Variants in FRYL observed in about 807,000 individuals in gnomAD.
FRYL encodes the protein FRY like transcription coactivator, also known as protein furry homolog-like.
In FRYL, 150 loss-of-function variants were observed where a neutral mutation model predicts 351.2. The observed-to-expected ratio is 0.43, with a 90% CI of 0.37 to 0.49. The LOEUF (loss-of-function observed/expected upper bound fraction) is 0.49, where lower values mean the gene tolerates loss of function less well. FRYL is among the 20% of genes least tolerant of loss of function. The pLI is 0.00. For synonymous variants in FRYL, 1,153 were observed against 1,257.1 expected, an observed-to-expected ratio of 0.92 and a Z score of 1.75; for missense variants, 3,036 against 3,619.3, an observed-to-expected ratio of 0.84 and a Z score of 4.13.
intron 3 of FRYL, among the ~76,000 whole-genome samples, chr4:48,639,637 T>C (rs1754943036): frequency 6.6e-6 from 1 of 151,792 alleles, no homozygotes; most frequent in Non-Finnish European, 1.5e-5. Flanking sequence ...ACTTTTTAGA[T>C]AAACATCAAA....
chr4:48,624,230 A>G lies in FRYL; in HGVS notation c.121-1051T>C, dbSNP rs574118470. The stretch of plus-strand genomic sequence containing the variant: ...CACAGAACAATCTCTCCTATCACAT[A>G]CCAGAATATTTTTTTTAACTTTCCA... On this transcript the variant is annotated intron_variant, in intron 4 of 63. Coordinates refer to ENST00000358350, the MANE Select transcript of FRYL (RefSeq NM_015030.2). Among the ~76,000 whole-genome samples the G allele has an allele frequency of 3.1e-4, 47 of 152,228 alleles. 1 individual carries two copies. The highest frequency in any genetic ancestry group is 1.3e-3 in the Admixed American group (20 of 15,284).
chr4:48,520,901 T>C (rs1478391205), intron 55 of FRYL, 147 bp downstream of exon 55: 7 of 532,454 alleles, frequency 1.3e-5, no homozygotes, highest in African/African-American at 1.9e-5. Flanking sequence ...AAAATCAGAT[T>C]TGACTATTTC....
chr4:48,594,069 TA>T, intron 15 of FRYL, 53 bp from the exon 16 acceptor site: 1 of 942,880 alleles, frequency 1.1e-6, no homozygotes. Context: ...GGTATCATGC[TA>T]AGAATTATAA....
At chr4:48,608,817 TGA>T (rs2149274069) in intron 9 of FRYL, among the ~76,000 whole-genome samples, 168 bp downstream of exon 9, 1 of 152,314 alleles carries the variant, frequency 6.6e-6, no homozygotes, top group South Asian at 2.1e-4. Flanking sequence ...AATTGAGGTA[TGA>T]GTGTTAAAGA....
intron 1 of FRYL, among the ~76,000 whole-genome samples, chr4:48,718,077 C>T (rs1769064595): frequency 6.6e-6 from 1 of 151,560 alleles, no homozygotes; most frequent in South Asian, 2.1e-4. Flanking sequence ...GCTTCAATTT[C>T]CTTGTAGGGG....
Position 48,531,334 on chromosome 4 carries a change from G to T in FRYL, c.6725C>A (p.Ala2242Asp), listed in dbSNP as rs1360371499. ...CACCACCAGCTTTAATATGTTAAGG[G>T]CTTCCTTCCAGTAAGGACTCTGGTT... Reference protein sequence around the residue: ...KYVQSPYWKEALNILKLVVSR... With the variant: ...KYVQSPYWKEDLNILKLVVSR... Residue 2242 changes from alanine to aspartate, a missense_variant, in exon 50 of 64, where the codon GCC becomes GAC. This residue lies in a region of FRYL where 1,987 missense variants were observed against 2,311.7 expected (regional missense o/e 0.86). Coordinates refer to ENST00000358350, the MANE Select transcript of FRYL (RefSeq NM_015030.2). 6.2e-7 allele frequency: 1 copy of T among 1,612,826 alleles called. No individual in the cohort carries two copies. The highest frequency in any genetic ancestry group is 1.3e-5 in the African/African-American group (1 of 74,846).
intron 1 of FRYL, among the ~76,000 whole-genome samples, chr4:48,768,631 T>C (rs1475267108): frequency 6.6e-6 from 1 of 151,884 alleles, no homozygotes; most frequent in Non-Finnish European, 1.5e-5. Context: ...GGTGAAACCC[T>C]GTCTCTACTA....
In FRYL at chr4:48,547,728, G is replaced by A. The variant is rs150991380; in HGVS notation, c.4930C>T (p.Arg1644Cys). 287 of 1,575,912 alleles carry A rather than the reference G, an allele frequency of 1.8e-4. No homozygotes were observed. The highest frequency in any genetic ancestry group is 5.1e-4 in the Middle Eastern group (3 of 5,904). Residue 1644 changes from arginine (R) to cysteine (C), a missense_variant, in exon 41 of 64, where the codon CGC (arginine) becomes TGC (cysteine). Physicochemically the swap from Arg to Cys is radical, Grantham distance 180 (BLOSUM62 -3). Around this residue, in one of 7 missense-constraint regions of FRYL, gnomAD observed 1,987 missense variants for 2,311.7 expected, o/e 0.86. Coordinates refer to ENST00000358350, the MANE Select transcript of FRYL (RefSeq NM_015030.2). The part of the protein sequence containing the change: ...CHPEVYEHCK[R>C]LLLHLLIVMG... ...ACTATTAATAAGTGCAGAAGCAGGC[G>A]TTTACAATGTTCATACACCTCAGGG...
At chr4:48,733,872 A>G (rs901084161) in intron 1 of FRYL, among the ~76,000 whole-genome samples, 16 of 152,148 alleles carry the variant, frequency 1.1e-4, no homozygotes, top group African/African-American at 3.6e-4. Flanking sequence ...GCAAACTCTC[A>G]GCAACCACTT....
In FRYL at chr4:48,507,715, T is replaced by TAGATGATA. The variant is rs35205330; in HGVS notation, c.8395-2101_8395-2100insTATCATCT. On this transcript the variant is annotated intron_variant, in intron 59 of 63. Transcript: ENST00000358350. ...AAAACAGTTTTCAAAGATAGATAGA[T>TAGATGATA]GATAGATAGATAGATAGATAGATCG... 9.2e-3 allele frequency among the ~76,000 whole-genome samples: 1,369 copies of TAGATGATA among 148,054 alleles called. 7 individuals carry two copies. Among genetic ancestry groups the TAGATGATA allele is most frequent in the East Asian group, 0.012 (60 of 5,052 alleles).
At chr4:48,632,100 A>ATATATATATG (rs1553957590) in intron 4 of FRYL, among the ~76,000 whole-genome samples, 50 of 29,210 alleles carry the variant, frequency 1.7e-3, no homozygotes, top group East Asian at 8.0e-3. Flanking sequence ...AAATATATAT[A>ATATATATATG]TATATATATA....
chr4:48,603,174 C>A, intron 12 of FRYL, 116 bp downstream of exon 12: 2 of 773,178 alleles, frequency 2.6e-6, no homozygotes, highest in Non-Finnish European at 4.3e-6. Flanking sequence ...TTGTATTGCA[C>A]TTCAGGGATT....
intron 7 of FRYL, among the ~76,000 whole-genome samples, chr4:48,616,487 G>C (rs1284003380): frequency 2.0e-5 from 3 of 152,110 alleles, no homozygotes; most frequent in Admixed American, 6.5e-5. Context: ...TTTTTATAGA[G>C]GAAGGAAGAG....
In FRYL at chr4:48,675,600, A is replaced by G. The variant is rs543483830; in HGVS notation, c.-81+9073T>C. Among the ~76,000 whole-genome samples the G allele has an allele frequency of 3.2e-4, 49 of 152,320 alleles. No homozygotes were observed. The Middle Eastern group carries it at 0.017, about 53-fold the overall frequency. ...CCGCGGGGCAGGGCTGGGGACCTGC[A>G]GCCTGCCATGCCTGAGCCTCCCACC... On this transcript the variant is annotated intron_variant, in intron 3 of 63. Transcript: ENST00000358350.
chr4:48,595,276 C>A (rs1334230661), intron 15 of FRYL, among the ~76,000 whole-genome samples: 2 of 152,150 alleles, frequency 1.3e-5, no homozygotes, highest in Non-Finnish European at 2.9e-5. Flanking sequence ...ACAGTGGAAT[C>A]TATTATCAGT....
Position 48,602,010 on chromosome 4 carries a change from T to TA in FRYL, c.1035+9dup, listed in dbSNP as rs1179801607. On this transcript the variant is annotated intron_variant, in intron 13 of 63. Coordinates refer to ENST00000358350, the MANE Select transcript of FRYL (RefSeq NM_015030.2). ...AGTATTTACATATCAGAAGTGTGAT[T>TA]ACATCTTACCTTTAAATGTGACAAA... The TA allele has an allele frequency of 7.0e-7, 1 of 1,436,752 alleles. No individual in the cohort carries two copies. 89.0% of individuals were successfully genotyped at this position (1,436,752 alleles called of 1,614,324 possible). A position where few individuals can be genotyped will look rare whatever the true frequency, so the allele number is the denominator to read the frequency against.
intron 18 of FRYL, 98 bp from the exon 19 acceptor site, chr4:48,586,826 C>T: frequency 1.4e-6 from 1 of 719,588 alleles, no homozygotes; most frequent in Non-Finnish European, 2.3e-6. Flanking sequence ...GAGTCCTCCC[C>T]TAAAGTTCAA....
At chr4:48,570,770 G>T in intron 27 of FRYL, 57 bp downstream of exon 27, 1 of 1,264,218 alleles carries the variant, frequency 7.9e-7, no homozygotes, top group South Asian at 1.2e-5. Flanking sequence ...TGAGCGAAAA[G>T]AGATTACGTT....
chr4:48,595,776 T>A, intron 14 of FRYL, 78 bp from the exon 15 acceptor site: 1 of 1,111,364 alleles, frequency 9.0e-7, no homozygotes, highest in Non-Finnish European at 1.3e-6. Flanking sequence ...CTATTCTTCA[T>A]AATATATTGA....
Sources: allele counts gnomAD v4.1 joint callset (sites outside exome capture counted in the v4.1 genomes callset), GRCh38; gene constraint gnomAD v4.1.1; regional missense constraint gnomAD v4.1.1; transcripts MANE v1.5; gene names NCBI Gene and HGNC (gene_info 2026-07-23, HGNC 2026-07-21).